The following TMEM68 variants were observed in gnomAD, a reference collection of about 807,000 sequenced individuals.
The protein encoded by TMEM68 is DGAT1/2-independent enzyme synthesizing storage lipids.
In TMEM68, 25 loss-of-function variants were observed where a neutral mutation model predicts 36.9. That is an observed-to-expected ratio of 0.68 (90% CI 0.49 to 0.95). The LOEUF is 0.95. Ranked by LOEUF, TMEM68 falls within the 40% of genes least tolerant of loss-of-function variation. The pLI, the probability that TMEM68 is intolerant of heterozygous loss-of-function variation, is 0.00. For synonymous variants in TMEM68, 131 were observed against 124.4 expected (o/e 1.05, Z -0.35); for missense variants, 333 against 392.0 (o/e 0.85, Z 1.27).
chr8:55,756,769 G>A (rs1362038936), intron 3 of TMEM68, among the ~76,000 whole-genome samples: 3 of 152,130 alleles, frequency 2.0e-5, no homozygotes, highest in East Asian at 1.9e-4. Context: ...GGGGGCTGCT[G>A]AGGGGGAAGA....
At chr8:55,757,420 C>CT (rs1307403535) in intron 3 of TMEM68, among the ~76,000 whole-genome samples, 4 of 152,138 alleles carry the variant, frequency 2.6e-5, no homozygotes, top group Admixed American at 2.6e-4. Flanking sequence ...TAGTCACTCT[C>CT]TAACTCTTCT....
intron 1 of TMEM68, among the ~76,000 whole-genome samples, chr8:55,771,155 C>CAATAAAAA (rs1811144802): frequency 7.9e-6 from 1 of 126,486 alleles, no homozygotes. Flanking sequence ...TCTCCGTCTC[C>CAATAAAAA]AAAAAAAAAA....
chr8:55,752,238 C>G (rs1473769113), intron 4 of TMEM68, among the ~76,000 whole-genome samples: 1 of 151,250 alleles, frequency 6.6e-6, no homozygotes, highest in African/African-American at 2.4e-5. Flanking sequence ...ACTATGCAGA[C>G]CAACCAAACT....
chr8:55,743,923 A>G (rs1178782730), intron 6 of TMEM68, among the ~76,000 whole-genome samples: 1 of 152,150 alleles, frequency 6.6e-6, no homozygotes, highest in Non-Finnish European at 1.5e-5. Context: ...TTTTAAAATG[A>G]GCTTTTAAAG....
chr8:55,741,800 G>T (rs1810110049), intron 7 of TMEM68, among the ~76,000 whole-genome samples: 1 of 152,118 alleles, frequency 6.6e-6, no homozygotes, highest in Admixed American at 6.5e-5. Flanking sequence ...GTAAGGTAAG[G>T]CTTTAAAATT....
intron 1 of TMEM68, among the ~76,000 whole-genome samples, chr8:55,768,354 G>T (rs1348850851): frequency 6.6e-6 from 1 of 152,152 alleles, no homozygotes; most frequent in Non-Finnish European, 1.5e-5. Context: ...AAGGAGGAAA[G>T]AAACAGGTGG....
At chr8:55,759,989 G>A (rs1362810765) in intron 3 of TMEM68, among the ~76,000 whole-genome samples, 2 of 152,222 alleles carry the variant, frequency 1.3e-5, no homozygotes, top group Non-Finnish European at 2.9e-5. Context: ...GGGAGTAAAT[G>A]ACAGGATGAA....
At chr8:55,741,115 C>T (rs1218723555) in intron 7 of TMEM68, among the ~76,000 whole-genome samples, 1 of 152,000 alleles carries the variant, frequency 6.6e-6, no homozygotes, top group African/African-American at 2.4e-5. Context: ...GCCTGTAATC[C>T]CAGCTACTTG....
In TMEM68 at chr8:55,740,188, T is replaced by C; in HGVS notation, c.919A>G (p.Lys307Glu). The C allele has an allele frequency of 6.2e-7, 1 of 1,613,436 alleles. No individual in the cohort carries two copies. The highest frequency in any genetic ancestry group is 8.5e-7 in the Non-Finnish European group (1 of 1,179,838). The change falls in exon 8 of 8, where the codon AAG becomes GAG. Residue 307 changes from lysine to glutamate, a missense_variant. Lys to Glu is a moderately conservative substitution (Grantham distance 56). Transcript: ENST00000434581. ...TKNAVQALID[K>E]HQRIPGNIMS... ...ATGTTTCCTGGTATTCTTTGGTGCTTATCAATCAAAGCTTGAACAGCATTC... is the reference window on the plus strand; with the variant it reads ...ATGTTTCCTGGTATTCTTTGGTGCTCATCAATCAAAGCTTGAACAGCATTC...
At chr8:55,769,521 A>AT (rs1811087372) in intron 1 of TMEM68, among the ~76,000 whole-genome samples, 1 of 152,134 alleles carries the variant, frequency 6.6e-6, no homozygotes, top group Non-Finnish European at 1.5e-5. Flanking sequence ...TATTCTAAAT[A>AT]TATCAGTAAA....
intron 1 of TMEM68, among the ~76,000 whole-genome samples, chr8:55,768,608 G>A (rs11985720): frequency 0.013 from 1,986 of 152,230 alleles, 39 homozygotes; most frequent in African/African-American, 0.046. Context: ...ACTTTGGGAG[G>A]CCAAGTAGGG....
At chr8:55,772,506 G>A (rs545503654) in intron 1 of TMEM68, among the ~76,000 whole-genome samples, 2 of 152,210 alleles carry the variant, frequency 1.3e-5, no homozygotes, top group Non-Finnish European at 2.9e-5. Flanking sequence ...TTTCTTATTA[G>A]ATAATTAGTA....
At chr8:55,752,803 C>T (rs763430738) in intron 4 of TMEM68, among the ~76,000 whole-genome samples, 2 of 149,040 alleles carry the variant, frequency 1.3e-5, no homozygotes, top group African/African-American at 5.0e-5. Flanking sequence ...TAGCTCACTA[C>T]GGCCTTGCTC....
intron 3 of TMEM68, 148 bp downstream of exon 3, chr8:55,762,487 C>T (rs1317612116): frequency 7.0e-7 from 1 of 1,429,544 alleles, no homozygotes; most frequent in Non-Finnish European, 9.3e-7. Context: ...TACATATGCA[C>T]AATGCATGCA....
intron 3 of TMEM68, chr8:55,762,325 A>C (rs1280609112): frequency 2.7e-6 from 1 of 365,056 alleles, no homozygotes; most frequent in Non-Finnish European, 4.8e-6. Context: ...AGCATTTTTA[A>C]AGCAGTTTTC....
intron 1 of TMEM68, among the ~76,000 whole-genome samples, chr8:55,764,662 A>AAT (rs1325888885): frequency 6.6e-6 from 1 of 152,230 alleles, no homozygotes; most frequent in Non-Finnish European, 1.5e-5. Flanking sequence ...CCTTGTAACC[A>AAT]ATAGCATTTA....
At chr8:55,758,563 T>A (rs1478169374) in intron 3 of TMEM68, among the ~76,000 whole-genome samples, 1 of 152,326 alleles carries the variant, frequency 6.6e-6, no homozygotes, top group African/African-American at 2.4e-5. Flanking sequence ...TCCCAACACT[T>A]TGGGAGACTG....
chr8:55,740,853 A>G (rs917313014), intron 7 of TMEM68, among the ~76,000 whole-genome samples: 1 of 152,178 alleles, frequency 6.6e-6, no homozygotes. Context: ...GTCATCATGA[A>G]CTATGTATTT....
At chr8:55,757,016 C>A (rs1012167138) in intron 3 of TMEM68, among the ~76,000 whole-genome samples, 7 of 151,928 alleles carry the variant, frequency 4.6e-5, no homozygotes, top group African/African-American at 7.3e-5. Context: ...GGGTTACACA[C>A]AGGGGGACTG....
Sources: allele counts gnomAD v4.1 joint callset (sites outside exome capture counted in the v4.1 genomes callset), GRCh38; gene constraint gnomAD v4.1.1; transcripts MANE v1.5; gene names NCBI Gene and HGNC (gene_info 2026-07-23, HGNC 2026-07-21).